The following NPAS3 variants were observed in gnomAD, a reference collection of about 807,000 sequenced individuals.
NPAS3 encodes neuronal PAS domain-containing protein 3.
NPAS3 carries 14 observed loss-of-function variants against 73.1 expected under a neutral mutation model. That is an observed-to-expected ratio of 0.19 (90% CI 0.13 to 0.30). NPAS3 has a LOEUF of 0.30. NPAS3 is among the 10% of genes least tolerant of loss of function. NPAS3 has a pLI of 1.00. For missense variants in NPAS3, 1,096 were observed against 1,250.0 expected (o/e 0.88, Z 1.86); for synonymous variants, 620 against 541.5 (o/e 1.14, Z -2.01).
chr14:32,949,150 A>G (rs78136635), intron 1 of NPAS3, among the ~76,000 whole-genome samples: 1 of 152,240 alleles, frequency 6.6e-6, no homozygotes, highest in East Asian at 1.9e-4. Context: ...CATAATATAC[A>G]TTGATCAGCT....
intron 2 of NPAS3, among the ~76,000 whole-genome samples, chr14:33,118,932 C>T (rs1259124158): frequency 6.6e-6 from 1 of 151,614 alleles, no homozygotes; most frequent in Non-Finnish European, 1.5e-5. Context: ...ATTTATGCAG[C>T]AGATCCTCTG....
chr14:33,662,254 T>C (rs2059329176), intron 5 of NPAS3, among the ~76,000 whole-genome samples: 1 of 152,210 alleles, frequency 6.6e-6, no homozygotes, highest in South Asian at 2.1e-4. Context: ...GTTTTGTGGT[T>C]GCCCAGTTAA....
chr14:33,641,102 T>A (rs2058664706), intron 5 of NPAS3, among the ~76,000 whole-genome samples: 2 of 152,154 alleles, frequency 1.3e-5, no homozygotes, highest in Non-Finnish European at 2.9e-5. Context: ...AAAAGGAAAA[T>A]TTTTAAATGA....
At chr14:33,285,495 G>A (rs557958610) in intron 3 of NPAS3, among the ~76,000 whole-genome samples, 1 of 152,284 alleles carries the variant, frequency 6.6e-6, no homozygotes, top group Admixed American at 6.5e-5. Context: ...GGGGCCAACA[G>A]TCAACAACAA....
Position 33,800,560 on chromosome 14 carries a change from C to G in NPAS3, c.2253C>G (p.Leu751=). 2.3e-6 allele frequency: 3 copies of G among 1,322,560 alleles called. No individual in the cohort carries two copies. Among genetic ancestry groups the G allele is most frequent in the Non-Finnish European group, 2.9e-6 (3 of 1,044,820 alleles). 81.9% of individuals were successfully genotyped at this position (1,322,560 alleles called of 1,614,324 possible). Reference sequence around the variant, plus strand: ...CCTCCGACCCGCTGTCACCCCCGCTCTCGGCGTCCCCGCGGGACAAGCACC... The same window carrying G: ...CCTCCGACCCGCTGTCACCCCCGCTGTCGGCGTCCCCGCGGGACAAGCACC... The change falls in exon 12 of 12, where the codon CTC becomes CTG. Residue 751 remains leucine, a synonymous_variant. Transcript: ENST00000356141. This position sits in a 1 kb window ranked among gnomAD's most constrained non-coding sequence, Gnocchi z 6.5.
intron 2 of NPAS3, among the ~76,000 whole-genome samples, chr14:33,182,307 C>T (rs1034066205): frequency 6.6e-6 from 1 of 152,026 alleles, no homozygotes. Context: ...GTATGAAATA[C>T]ATAAGTAGTT....
chr14:32,991,364 G>T (rs1275571018), intron 1 of NPAS3, among the ~76,000 whole-genome samples: 1 of 152,028 alleles, frequency 6.6e-6, no homozygotes, highest in Non-Finnish European at 1.5e-5. Flanking sequence ...ATTCTCAAGG[G>T]ATACCTGGCC....
intron 6 of NPAS3, among the ~76,000 whole-genome samples, chr14:33,714,567 T>C (rs1286021623): frequency 6.6e-6 from 1 of 152,188 alleles, no homozygotes; most frequent in African/African-American, 2.4e-5. Context: ...ATTGAGTCTT[T>C]CTTAGGAAAA....
chr14:33,182,853 G>A (rs1366365649), intron 2 of NPAS3, among the ~76,000 whole-genome samples: 1 of 152,130 alleles, frequency 6.6e-6, no homozygotes, highest in Non-Finnish European at 1.5e-5. Context: ...AGCAATGAAT[G>A]CTGAAAATTT....
At chr14:33,687,740 A>C (rs1385819469) in intron 6 of NPAS3, among the ~76,000 whole-genome samples, 3 of 152,198 alleles carry the variant, frequency 2.0e-5, no homozygotes, top group Non-Finnish European at 4.4e-5. Context: ...CAAAACATTC[A>C]TTCATTCTTT....
At chr14:33,311,215 C>T (rs1358289925) in intron 3 of NPAS3, among the ~76,000 whole-genome samples, 2 of 152,074 alleles carry the variant, frequency 1.3e-5, no homozygotes, top group South Asian at 4.1e-4. Context: ...TGGCAAAGTG[C>T]TCTCAGTATT....
intron 2 of NPAS3, among the ~76,000 whole-genome samples, chr14:33,187,219 T>G (rs1221407683): frequency 6.6e-6 from 1 of 152,206 alleles, no homozygotes; most frequent in East Asian, 1.9e-4. Flanking sequence ...TGGCCACTTT[T>G]CCAATGTCAA....
chr14:32,974,200 AATTC>A (rs2037557814), intron 1 of NPAS3, among the ~76,000 whole-genome samples: 1 of 152,196 alleles, frequency 6.6e-6, no homozygotes. Context: ...CTTTATTATC[AATTC>A]ATTCATAAAT....
chr14:33,759,686 C>A (rs1052557440), intron 7 of NPAS3, among the ~76,000 whole-genome samples: 1 of 152,066 alleles, frequency 6.6e-6, no homozygotes, highest in Non-Finnish European at 1.5e-5. Context: ...TTGCAGGCTG[C>A]GTAGTCTTTA....
At chr14:33,690,718 G>T (rs1488375844) in intron 6 of NPAS3, among the ~76,000 whole-genome samples, 1 of 152,132 alleles carries the variant, frequency 6.6e-6, no homozygotes, top group Non-Finnish European at 1.5e-5. Flanking sequence ...AGACGGGCAT[G>T]TATACACGCA....
rs368950295 is a variant in NPAS3, at chr14:33,147,754, T to TATATATATATATATATATAC, written c.141-67427_141-67426insTATATATATATATATATACA. Among the ~76,000 whole-genome samples, 214 of 142,298 alleles carry TATATATATATATATATATAC rather than the reference T, an allele frequency of 1.5e-3. 1 individual carries two copies. The highest frequency in any genetic ancestry group is 5.5e-3 in the African/African-American group (204 of 37,004). The allele number at this position is 142,298 out of a possible 152,430, so 93.4% of individuals were successfully genotyped here. On this transcript the variant is annotated intron_variant, in intron 2 of 11. Transcript: ENST00000356141. ...AAATATATATATATATATATATATA[T>TATATATATATATATATATAC]ACACACAAAAAAGTTTGGATTAAAA...
chr14:33,731,498 A>G (rs1274749526), intron 6 of NPAS3, among the ~76,000 whole-genome samples: 1 of 151,838 alleles, frequency 6.6e-6, no homozygotes, highest in African/African-American at 2.4e-5. Flanking sequence ...ACTCCTACAG[A>G]GACCCTGGAG....
intron 2 of NPAS3, among the ~76,000 whole-genome samples, chr14:33,117,877 A>AT (rs1480655783): frequency 6.6e-6 from 1 of 152,010 alleles, no homozygotes; most frequent in Non-Finnish European, 1.5e-5. Context: ...TCAGTGACTC[A>AT]TTTTTCCCTT....
At chr14:33,421,240 G>GA (rs143070644) in intron 4 of NPAS3, among the ~76,000 whole-genome samples, 5 of 150,788 alleles carry the variant, frequency 3.3e-5, no homozygotes, top group South Asian at 2.1e-4. Context: ...TCTTTTCTTA[G>GA]AAAAAAAAAG....
Sources: allele counts gnomAD v4.1 joint callset (sites outside exome capture counted in the v4.1 genomes callset), GRCh38; gene constraint gnomAD v4.1.1; non-coding constraint Gnocchi (gnomAD v3.1); transcripts MANE v1.5; gene names NCBI Gene and HGNC (gene_info 2026-07-23, HGNC 2026-07-21).